The following NELL2 variants were observed in gnomAD, a reference collection of about 807,000 sequenced individuals.
NELL2 encodes protein kinase C-binding protein NELL2.
Under a neutral mutation model 109.6 loss-of-function variants are expected in NELL2, and 41 were observed. The ratio of observed to expected loss-of-function variants is 0.37; its 90% CI spans 0.29 to 0.49. NELL2 has a LOEUF of 0.49. Among genes scored for constraint, NELL2 ranks in the 20% least tolerant of loss-of-function variants. The pLI, the probability that NELL2 is intolerant of heterozygous loss-of-function variation, is 0.98. For missense variants in NELL2, 900 were observed against 1,008.3 expected, an observed-to-expected ratio of 0.89 and a Z score of 1.45; for synonymous variants, 355 against 344.7, an observed-to-expected ratio of 1.03 and a Z score of -0.33.
At chr12:44,884,414 C>T (rs1945448621) in intron 1 of NELL2, among the ~76,000 whole-genome samples, 1 of 151,938 alleles carries the variant, frequency 6.6e-6, no homozygotes, top group South Asian at 2.1e-4. Context: ...ATTCCTCTTT[C>T]ATAATCAATA....
chr12:44,840,573 C>T (rs954556675), intron 2 of NELL2, among the ~76,000 whole-genome samples: 11 of 151,510 alleles, frequency 7.3e-5, no homozygotes, highest in Admixed American at 5.3e-4. Context: ...GGAGGCGGAG[C>T]TTGCAGTGAG....
intron 18 of NELL2, among the ~76,000 whole-genome samples, chr12:44,521,562 G>T (rs1057161288): frequency 3.3e-5 from 5 of 150,244 alleles, no homozygotes; most frequent in Non-Finnish European, 5.9e-5. Flanking sequence ...GGTGGTGGGG[G>T]AGGCGGAGTT....
At chr12:44,527,196 A>C (rs950367951) in intron 16 of NELL2, among the ~76,000 whole-genome samples, 5 of 152,232 alleles carry the variant, frequency 3.3e-5, no homozygotes, top group African/African-American at 1.2e-4. Context: ...AATATTTAAA[A>C]TACTATCATG....
At chr12:44,742,369 G>T (rs1247540752) in intron 9 of NELL2, among the ~76,000 whole-genome samples, 1 of 152,162 alleles carries the variant, frequency 6.6e-6, no homozygotes, top group East Asian at 1.9e-4. Flanking sequence ...AAAAAACAAA[G>T]CAGAAAAACT....
In NELL2 at chr12:44,617,456, G is replaced by A. The variant is rs566923014; in HGVS notation, c.1445-6486C>T. 1.2e-4 allele frequency among the ~76,000 whole-genome samples: 13 copies of A among 106,210 alleles called. No individual in the cohort carries two copies. In the South Asian group the frequency reaches 2.9e-3, roughly 24 times the overall value. The allele number at this position is 106,210 out of a possible 152,430, so 69.7% of individuals were successfully genotyped here. ...TAATCCCAGCACTTTGGGAGGCCGA[G>A]GCGGGCGGATCACGAGGTCAGGAGA... On this transcript the variant is annotated intron_variant, in intron 13 of 19. Coordinates refer to ENST00000429094, the MANE Select transcript of NELL2 (RefSeq NM_001145108.2).
chr12:44,569,099 A>T (rs920599914), intron 15 of NELL2, among the ~76,000 whole-genome samples: 8 of 151,994 alleles, frequency 5.3e-5, no homozygotes, highest in Non-Finnish European at 1.0e-4. Flanking sequence ...TCTTCTCATC[A>T]TTTAGCTTCC....
intron 19 of NELL2, among the ~76,000 whole-genome samples, chr12:44,512,287 C>T (rs903675011): frequency 6.6e-6 from 1 of 152,178 alleles, no homozygotes; most frequent in Non-Finnish European, 1.5e-5. Context: ...GCTATCATCT[C>T]ACTCCAGTTA....
chr12:44,573,805 A>G (rs1943961793), intron 15 of NELL2, among the ~76,000 whole-genome samples: 1 of 152,200 alleles, frequency 6.6e-6, no homozygotes, highest in Non-Finnish European at 1.5e-5. Context: ...GAAACATTTA[A>G]GAAGTATTTA....
chr12:44,595,019 C>T (rs1944903658), intron 15 of NELL2, among the ~76,000 whole-genome samples: 1 of 152,118 alleles, frequency 6.6e-6, no homozygotes. Context: ...TTAGAGGTAT[C>T]TGTGTTTTAA....
At chr12:44,708,593 T>C (rs1938019446) in intron 11 of NELL2, among the ~76,000 whole-genome samples, 1 of 152,192 alleles carries the variant, frequency 6.6e-6, no homozygotes, top group Non-Finnish European at 1.5e-5. Flanking sequence ...TTCTTTTAGT[T>C]TGAAAGTTAG....
chr12:44,901,358 G>A (rs551196327), intron 1 of NELL2, among the ~76,000 whole-genome samples: 9 of 152,204 alleles, frequency 5.9e-5, no homozygotes, highest in Admixed American at 3.3e-4. Context: ...GGAAGAAGTC[G>A]AATCCCTGAA....
intron 13 of NELL2, among the ~76,000 whole-genome samples, chr12:44,657,410 G>A (rs959764356): frequency 3.3e-5 from 5 of 152,144 alleles, no homozygotes; most frequent in Admixed American, 6.5e-5. Flanking sequence ...ATTACCAGCC[G>A]TTTATTCCAC....
intron 10 of NELL2, 111 bp downstream of exon 10, chr12:44,714,539 C>T: frequency 1.6e-6 from 1 of 607,022 alleles, no homozygotes; most frequent in South Asian, 2.3e-5. Context: ...TGTGAATTTT[C>T]TCTTTGCATT....
intron 2 of NELL2, among the ~76,000 whole-genome samples, chr12:44,872,931 A>T (rs1945206893): frequency 6.6e-6 from 1 of 152,188 alleles, no homozygotes; most frequent in East Asian, 1.9e-4. Context: ...AATCTCAATG[A>T]AGCAGCAAGA....
At chr12:44,689,115 G>A (rs763274644) in intron 12 of NELL2, among the ~76,000 whole-genome samples, 9 of 152,074 alleles carry the variant, frequency 5.9e-5, no homozygotes, top group East Asian at 1.9e-4. Flanking sequence ...GAGTGCACTC[G>A]GTGTTCCTAT....
intron 15 of NELL2, among the ~76,000 whole-genome samples, chr12:44,592,900 A>G (rs1478761461): frequency 6.6e-6 from 1 of 152,180 alleles, no homozygotes. Context: ...TTTTAGAAAA[A>G]TGGGATCTCT....
chr12:44,723,045 C>T (rs535075342), intron 9 of NELL2, among the ~76,000 whole-genome samples: 10 of 152,034 alleles, frequency 6.6e-5, no homozygotes, highest in African/African-American at 1.7e-4. Flanking sequence ...AAAAATTAGC[C>T]GGTCATGGTG....
At chr12:44,553,019 A>G (rs1943100948) in intron 15 of NELL2, among the ~76,000 whole-genome samples, 1 of 150,922 alleles carries the variant, frequency 6.6e-6, no homozygotes, top group African/African-American at 2.4e-5. Context: ...TATCGCAAGA[A>G]CAAAAAACCA....
At chr12:44,854,935 T>A (rs1287499147) in intron 2 of NELL2, among the ~76,000 whole-genome samples, 1 of 152,160 alleles carries the variant, frequency 6.6e-6, no homozygotes, top group African/African-American at 2.4e-5. Flanking sequence ...GCCATAAAGA[T>A]GAGTCACATA....
Sources: allele counts gnomAD v4.1 joint callset (sites outside exome capture counted in the v4.1 genomes callset), GRCh38; gene constraint gnomAD v4.1.1; transcripts MANE v1.5; gene names NCBI Gene and HGNC (gene_info 2026-07-23, HGNC 2026-07-21).